AFAP1L2: variants seen among roughly 807,000 people sequenced by gnomAD.
AFAP1L2 encodes actin filament associated protein 1 like 2.
Under a neutral mutation model 99.3 loss-of-function variants are expected in AFAP1L2, and 46 were observed. The ratio of observed to expected loss-of-function variants is 0.46; its 90% CI spans 0.37 to 0.59. AFAP1L2 has a LOEUF of 0.59. Among genes scored for constraint, AFAP1L2 ranks in the 20% least tolerant of loss-of-function variants. The probability of loss-of-function intolerance (pLI) is 0.00; values close to 1 mark genes in which losing one functional copy is unlikely to be tolerated. For missense variants in AFAP1L2, 959 were observed against 1,034.9 expected (o/e 0.93, Z 1.01); for synonymous variants, 397 against 419.1 (o/e 0.95, Z 0.64).
At chr10:114,349,383 C>CAAAAAAA (rs113553514) in intron 1 of AFAP1L2, among the ~76,000 whole-genome samples, 23 of 86,130 alleles carry the variant, frequency 2.7e-4, no homozygotes, top group South Asian at 9.2e-4. Flanking sequence ...AACTCGGTCT[C>CAAAAAAA]AAAAAAAAAA....
At chr10:114,294,688 A>T, downstream of AFAP1L2, 1 of 452,080 alleles carries the variant, frequency 2.2e-6, no homozygotes, top group Non-Finnish European at 2.9e-6. Flanking sequence ...AGCCTTATCT[A>T]TGCTCTTTGA....
At chr10:114,299,133 G>T in intron 16 of AFAP1L2, 127 bp downstream of exon 16, 1 of 1,140,600 alleles carries the variant, frequency 8.8e-7, no homozygotes, top group Non-Finnish European at 1.3e-6. Context: ...ACCCACCCAG[G>T]CCAAGGGTTG....
chr10:114,302,260 C>T, intron 12 of AFAP1L2, 79 bp downstream of exon 12: 4 of 1,588,248 alleles, frequency 2.5e-6, no homozygotes, highest in Non-Finnish European at 3.4e-6. Context: ...TCCCTGCTGC[C>T]CCTGACTCTG....
intron 5 of AFAP1L2, among the ~76,000 whole-genome samples, chr10:114,320,957 C>T (rs1172714298): frequency 6.6e-6 from 1 of 152,190 alleles, no homozygotes; most frequent in East Asian, 1.9e-4. Context: ...TGGGTCAATG[C>T]TAAGTGCTGG....
intron 1 of AFAP1L2, among the ~76,000 whole-genome samples, chr10:114,398,194 G>A (rs902624834): frequency 1.3e-5 from 2 of 152,222 alleles, no homozygotes; most frequent in African/African-American, 4.8e-5. Flanking sequence ...TTAGGAAAGG[G>A]CTCAAAGCTA....
chr10:114,381,477 G>T (rs2055611805), intron 1 of AFAP1L2, among the ~76,000 whole-genome samples: 1 of 152,090 alleles, frequency 6.6e-6, no homozygotes, highest in African/African-American at 2.4e-5. Flanking sequence ...TGTGATGATG[G>T]TGGCCCATGT....
At chr10:114,402,912 C>A (rs1302527490) in intron 1 of AFAP1L2, among the ~76,000 whole-genome samples, 1 of 152,220 alleles carries the variant, frequency 6.6e-6, no homozygotes, top group Non-Finnish European at 1.5e-5. Flanking sequence ...GAGGCCAACA[C>A]TTCCTGTCAG....
intron 4 of AFAP1L2, among the ~76,000 whole-genome samples, chr10:114,329,740 T>C (rs924375620): frequency 2.0e-5 from 3 of 152,102 alleles, no homozygotes; most frequent in Admixed American, 6.5e-5. Flanking sequence ...GGAGGGAGCA[T>C]AGCTTAAGCC....
chr10:114,352,592 A>G (rs2050706274), intron 1 of AFAP1L2, among the ~76,000 whole-genome samples: 1 of 151,726 alleles, frequency 6.6e-6, no homozygotes, highest in South Asian at 2.1e-4. Flanking sequence ...TTTGGGTTAA[A>G]CCCTTGCAGG....
At chr10:114,383,082 A>G (rs1042270537) in intron 1 of AFAP1L2, among the ~76,000 whole-genome samples, 2 of 152,104 alleles carry the variant, frequency 1.3e-5, no homozygotes, top group African/African-American at 4.8e-5. Flanking sequence ...ATGAAAGAGG[A>G]AAAAAAAGAT....
chr10:114,313,748 A>G (rs537022), intron 7 of AFAP1L2, 123 bp downstream of exon 7: 896,420 of 1,016,552 alleles, frequency 0.88, 398,496 homozygotes, highest in East Asian at 0.98. Context: ...CTTAGAACAC[A>G]GGAAGCCCTG....
At chr10:114,348,591 A>G (rs570743673) in intron 1 of AFAP1L2, among the ~76,000 whole-genome samples, 166 of 152,352 alleles carry the variant, frequency 1.1e-3, no homozygotes, top group African/African-American at 3.9e-3. Context: ...CTGCTTTCCC[A>G]CACCAGATTG....
At chr10:114,288,506 T>G in the AFAP1L2 span, among the ~76,000 whole-genome samples, 1 of 152,252 alleles carries the variant, frequency 6.6e-6, no homozygotes, top group Admixed American at 6.5e-5. Context: ...AGACAGGAAC[T>G]TATTTCTCTC....
At chr10:114,382,588 C>CTTTT (rs1554956154) in intron 1 of AFAP1L2, among the ~76,000 whole-genome samples, 4 of 93,290 alleles carry the variant, frequency 4.3e-5, no homozygotes, top group African/African-American at 1.6e-4. Context: ...TATTTCTTCT[C>CTTTT]TTTTTTTTTT....
At chr10:114,308,589 A>C in intron 8 of AFAP1L2, 72 bp from the exon 9 acceptor site, 1 of 1,341,124 alleles carries the variant, frequency 7.5e-7, no homozygotes, top group South Asian at 1.2e-5. Context: ...AATTGAAGGG[A>C]AAATAATAGA....
rs760142785 is a variant in AFAP1L2, at chr10:114,315,705, C to A, written c.467G>T (p.Gly156Val). 1.9e-6 allele frequency: 3 copies of A among 1,613,580 alleles called. No homozygotes were observed. In the Admixed American group the frequency reaches 5.0e-5, roughly 27 times the overall value. ...GGGCCACTGGTAAGGGGCCGACTTG[C>A]CCTTGCTGCCGTCCTCTTCATCGTA... ...ESYDEEDGSK[G>V]KSAPYQWPSP... is the part of the protein sequence containing the mutation. Residue 156 changes from glycine (G) to valine (V), a missense_variant, in exon 6 of 19, where the codon GGC becomes GTC. This residue lies in a region of AFAP1L2 where 383 missense variants were observed against 472.8 expected (regional missense o/e 0.81). Coordinates refer to ENST00000304129, the MANE Select transcript of AFAP1L2 (RefSeq NM_001001936.3).
chr10:114,323,146 C>T (rs1472049625), intron 5 of AFAP1L2, 25 bp downstream of exon 5: 2 of 1,566,054 alleles, frequency 1.3e-6, no homozygotes, highest in African/African-American at 2.7e-5. Context: ...AGTCACCCTC[C>T]CAAGCCCCAG....
intron 1 of AFAP1L2, 89 bp downstream of exon 1, chr10:114,404,351 G>T: frequency 1.4e-6 from 2 of 1,403,230 alleles, no homozygotes; most frequent in Non-Finnish European, 2.0e-6. Context: ...CTTATCCCGA[G>T]TCCTGGCAAG....
intron 1 of AFAP1L2, among the ~76,000 whole-genome samples, chr10:114,370,615 A>G (rs1051464236): frequency 1.3e-5 from 2 of 152,232 alleles, no homozygotes; most frequent in African/African-American, 4.8e-5. Context: ...TTTTTTGGGC[A>G]GAATACCTAA....
Sources: gnomAD v4.1 joint callset for allele counts (sites outside exome capture counted in the v4.1 genomes callset) on GRCh38, gnomAD v4.1.1 for gene constraint, gnomAD v4.1.1 regional missense constraint, MANE v1.5 for transcripts, NCBI Gene and HGNC (gene_info 2026-07-23, HGNC 2026-07-21) for gene names.